The following GRIK4 variants were observed in gnomAD, a reference collection of about 807,000 sequenced individuals.
GRIK4 encodes glutamate receptor ionotropic, kainate 4.
A neutral mutation model predicts 104.9 loss-of-function variants in GRIK4; 40 were observed. That is an observed-to-expected ratio of 0.38 (90% CI 0.30 to 0.50). The LOEUF (loss-of-function observed/expected upper bound fraction) is 0.50. GRIK4 is among the 20% of genes least tolerant of loss of function. The pLI, the probability that GRIK4 is intolerant of heterozygous loss-of-function variation, is 0.93. For synonymous variants in GRIK4, 485 were observed against 524.9 expected (o/e 0.92, Z 1.04); for missense variants, 1,047 against 1,308.1 (o/e 0.80, Z 3.08).
intron 3 of GRIK4, among the ~76,000 whole-genome samples, chr11:120,745,507 G>A (rs1464708015): frequency 1.3e-5 from 2 of 152,090 alleles, no homozygotes; most frequent in Non-Finnish European, 2.9e-5. Context: ...TCCCCTTTAG[G>A]TGGACATATG....
chr11:120,649,015 C>T (rs1166155634), intron 1 of GRIK4, among the ~76,000 whole-genome samples: 2 of 152,180 alleles, frequency 1.3e-5, no homozygotes, highest in Non-Finnish European at 2.9e-5. Flanking sequence ...GGCCTTGCCC[C>T]AAGCAGATGG....
chr11:120,596,886 A>G (rs1948808651), intron 1 of GRIK4, among the ~76,000 whole-genome samples: 1 of 151,952 alleles, frequency 6.6e-6, no homozygotes, highest in Non-Finnish European at 1.5e-5. Flanking sequence ...CACCACACCC[A>G]GCTAATTTTT....
intron 1 of GRIK4, among the ~76,000 whole-genome samples, chr11:120,587,100 TTCTC>T (rs1441172484): frequency 2.6e-5 from 4 of 152,222 alleles, no homozygotes; most frequent in Non-Finnish European, 4.4e-5. Context: ...AGGTGTCTCT[TTCTC>T]TCTCTGTATG....
At chr11:120,791,806 C>G (rs1952400597) in intron 3 of GRIK4, among the ~76,000 whole-genome samples, 1 of 152,050 alleles carries the variant, frequency 6.6e-6, no homozygotes, top group Non-Finnish European at 1.5e-5. Flanking sequence ...ATATGGATAT[C>G]CAAATGTTCC....
intron 3 of GRIK4, among the ~76,000 whole-genome samples, chr11:120,744,310 C>T (rs1377512783): frequency 6.6e-6 from 1 of 151,998 alleles, no homozygotes; most frequent in Non-Finnish European, 1.5e-5. Context: ...CTTCTTTTTT[C>T]CCCCCGGGCC....
In GRIK4 at chr11:120,956,725, T is replaced by C; in HGVS notation, c.1701-55T>C. The stretch of plus-strand genomic sequence containing the variant: ...GAGACCAGCCAGGAGAGCCTGCCTG[T>C]GTCCCTTCACACCCCGCCTCTGTGG... On this transcript the variant is annotated intron_variant, in intron 15 of 20. Coordinates refer to ENST00000527524, the MANE Select transcript of GRIK4 (RefSeq NM_014619.5). This position sits in a 1 kb window ranked among gnomAD's most constrained non-coding sequence, Gnocchi z 4.6. 7.4e-7 allele frequency: 1 copy of C among 1,349,664 alleles called. No homozygotes were observed. The highest frequency in any genetic ancestry group is 9.9e-7 in the Non-Finnish European group (1 of 1,006,504). 83.6% of individuals were successfully genotyped at this position (1,349,664 alleles called of 1,614,324 possible).
chr11:120,889,588 C>CTTTTT lies in GRIK4; in HGVS notation c.1165-8944_1165-8943insTTTTT, dbSNP rs776440015. 8.9e-4 allele frequency among the ~76,000 whole-genome samples: 60 copies of CTTTTT among 67,144 alleles called. 1 individual carries two copies. Among genetic ancestry groups the CTTTTT allele is most frequent in the African/African-American group, 1.5e-3 (28 of 18,860 alleles). The allele number at this position is 67,144 out of a possible 152,430, so 44.0% of individuals were successfully genotyped here. ...AATAGAATAAAATAGAAAGAGCTTACATTTTTTTTTTTTTTTTTTTTTTTT... is the reference window on the plus strand; with the variant it reads ...AATAGAATAAAATAGAAAGAGCTTACTTTTTATTTTTTTTTTTTTTTTTTTTTTTT... On this transcript the variant is annotated intron_variant, in intron 11 of 20. Coordinates refer to ENST00000527524, the MANE Select transcript of GRIK4 (RefSeq NM_014619.5).
At chr11:120,720,996 T>C (rs1287893260) in intron 3 of GRIK4, among the ~76,000 whole-genome samples, 1 of 152,148 alleles carries the variant, frequency 6.6e-6, no homozygotes, top group Admixed American at 6.5e-5. Context: ...CATTCATTCA[T>C]TCATTCATTC....
intron 13 of GRIK4, among the ~76,000 whole-genome samples, chr11:120,924,984 TC>T (rs1943310718): frequency 6.6e-6 from 1 of 152,208 alleles, no homozygotes; most frequent in Non-Finnish European, 1.5e-5. Flanking sequence ...CCAGATGCTG[TC>T]CACTTTGTGG....
At chr11:120,948,482 A>T (rs1435719659) in intron 14 of GRIK4, among the ~76,000 whole-genome samples, 1 of 152,118 alleles carries the variant, frequency 6.6e-6, no homozygotes, top group Non-Finnish European at 1.5e-5. Context: ...CTGAGGTGGG[A>T]TTGAGTTCTA....
intron 3 of GRIK4, among the ~76,000 whole-genome samples, chr11:120,683,841 C>A (rs938894201): frequency 7.9e-5 from 12 of 152,328 alleles, no homozygotes; most frequent in African/African-American, 2.6e-4. Flanking sequence ...AAAGAAGGGT[C>A]TTGACAGACC....
chr11:120,821,381 C>T (rs1036076574), intron 6 of GRIK4, among the ~76,000 whole-genome samples: 1 of 151,998 alleles, frequency 6.6e-6, no homozygotes, highest in African/African-American at 2.4e-5. Context: ...AGGCAGGGAT[C>T]CTGATGCTGT....
intron 3 of GRIK4, among the ~76,000 whole-genome samples, chr11:120,701,750 G>C (rs139380378): frequency 1.3e-5 from 2 of 152,130 alleles, no homozygotes; most frequent in South Asian, 2.1e-4. Context: ...ATTGAGAATA[G>C]GCTGAAGGGA....
intron 1 of GRIK4, among the ~76,000 whole-genome samples, chr11:120,525,898 G>C (rs1234607592): frequency 1.3e-5 from 2 of 152,142 alleles, no homozygotes; most frequent in Non-Finnish European, 2.9e-5. Flanking sequence ...TGAAGCCTCT[G>C]TTTGCTCAGC....
intron 5 of GRIK4, among the ~76,000 whole-genome samples, chr11:120,816,341 C>G (rs988658728): frequency 1.3e-5 from 2 of 151,966 alleles, no homozygotes; most frequent in African/African-American, 2.4e-5. Flanking sequence ...CCCCAAGGGC[C>G]TTCCAGCCAG....
chr11:120,636,945 T>G (rs894978145), intron 1 of GRIK4, among the ~76,000 whole-genome samples: 1 of 151,944 alleles, frequency 6.6e-6, no homozygotes, highest in African/African-American at 2.4e-5. Context: ...TGGTCAGAGG[T>G]GTCTATGAGT....
At chr11:120,655,820 GAA>G (rs1433532721) in intron 2 of GRIK4, among the ~76,000 whole-genome samples, 1 of 152,204 alleles carries the variant, frequency 6.6e-6, no homozygotes, top group Non-Finnish European at 1.5e-5. Context: ...TACCTACTAA[GAA>G]GAGGAAGTAG....
chr11:120,967,657 C>T lies in GRIK4; in HGVS notation c.2395+334C>T, dbSNP rs1218123165. ...GTCACAGTCGCCTGGTTTCAGTTTCCCATTCTTGCGTCTCTACAGTATATT... is the reference window on the plus strand; with the variant it reads ...GTCACAGTCGCCTGGTTTCAGTTTCTCATTCTTGCGTCTCTACAGTATATT... On this transcript the variant is annotated intron_variant, in intron 19 of 20. Coordinates refer to ENST00000527524, the MANE Select transcript of GRIK4 (RefSeq NM_014619.5). The surrounding 1 kb of genome is among the most constrained non-coding windows in gnomAD (Gnocchi z 4.2). Among the ~76,000 whole-genome samples, 1 of 152,192 alleles carries T rather than the reference C, an allele frequency of 6.6e-6. No homozygotes were observed. The highest frequency in any genetic ancestry group is 1.5e-5 in the Non-Finnish European group (1 of 68,040).
chr11:120,910,496 C>T (rs144793333), intron 13 of GRIK4, among the ~76,000 whole-genome samples: 1 of 152,260 alleles, frequency 6.6e-6, no homozygotes, highest in Non-Finnish European at 1.5e-5. Flanking sequence ...ATTTGTTTTG[C>T]CTGGTCAGCT....
Sources: gnomAD v4.1 joint callset for allele counts (sites outside exome capture counted in the v4.1 genomes callset) on GRCh38, gnomAD v4.1.1 for gene constraint, Gnocchi (gnomAD v3.1) non-coding constraint, MANE v1.5 for transcripts, NCBI Gene and HGNC (gene_info 2026-07-23, HGNC 2026-07-21) for gene names.